ANO2: variants seen among roughly 807,000 people sequenced by gnomAD.
The protein encoded by ANO2 is anoctamin-2.
A neutral mutation model predicts 124.2 loss-of-function variants in ANO2; 101 were observed. The observed-to-expected ratio is 0.81, with a 90% CI of 0.69 to 0.96. The LOEUF (loss-of-function observed/expected upper bound fraction) is 0.96. Among genes scored for constraint, ANO2 ranks in the 40% least tolerant of loss-of-function variants. ANO2 has a pLI of 0.00. For missense variants in ANO2, 1,293 were observed against 1,274.5 expected (o/e 1.01, Z -0.22); for synonymous variants, 486 against 482.5 (o/e 1.01, Z -0.09).
chr12:5,859,087 G>A (rs1427348887), intron 3 of ANO2, among the ~76,000 whole-genome samples: 3 of 152,194 alleles, frequency 2.0e-5, no homozygotes, highest in Non-Finnish European at 4.4e-5. Flanking sequence ...AGCCGTCAGA[G>A]GATACAATCC....
At chr12:5,611,644 G>A (rs917103749) in intron 19 of ANO2, among the ~76,000 whole-genome samples, 2 of 152,164 alleles carry the variant, frequency 1.3e-5, no homozygotes, top group Non-Finnish European at 2.9e-5. Context: ...AATTCCAACT[G>A]CTGCAGCTAA....
At chr12:5,576,119 A>G in intron 22 of ANO2, 104 bp from the exon 23 acceptor site, 1 of 1,179,852 alleles carries the variant, frequency 8.5e-7, no homozygotes, top group Non-Finnish European at 1.1e-6. Flanking sequence ...CTGATACAGA[A>G]GCTCATGCAG....
intron 5 of ANO2, among the ~76,000 whole-genome samples, chr12:5,831,884 T>C (rs1337573795): frequency 1.3e-5 from 2 of 152,164 alleles, no homozygotes; most frequent in Admixed American, 6.5e-5. Context: ...CGGCTGCATC[T>C]CCCACTTCCC....
At chr12:5,694,284 A>AGAGAGAGAGAGAGAGAGAGAGAGAGAGAG (rs55758114) in intron 14 of ANO2, among the ~76,000 whole-genome samples, 2 of 150,828 alleles carry the variant, frequency 1.3e-5, no homozygotes, top group African/African-American at 4.9e-5. Flanking sequence ...AGAGAGAGAG[A>AGAGAGAGAGAGAGAGAGAGAGAGAGAGAG]ATAAAACAGA....
At chr12:5,678,305 T>C (rs535508255) in intron 14 of ANO2, among the ~76,000 whole-genome samples, 2 of 152,202 alleles carry the variant, frequency 1.3e-5, no homozygotes, top group African/African-American at 4.8e-5. Context: ...ACAGCATCAT[T>C]TACATTAGGA....
intron 14 of ANO2, among the ~76,000 whole-genome samples, chr12:5,673,185 T>C: frequency 6.6e-6 from 1 of 152,222 alleles, no homozygotes; most frequent in Non-Finnish European, 1.5e-5. Context: ...ACTGAACCCC[T>C]TGCTCAGCAA....
chr12:5,590,821 C>A (rs1943359460), intron 20 of ANO2, among the ~76,000 whole-genome samples: 1 of 152,136 alleles, frequency 6.6e-6, no homozygotes, highest in Non-Finnish European at 1.5e-5. Flanking sequence ...CATATGGGGG[C>A]CAATGGAATT....
intron 22 of ANO2, among the ~76,000 whole-genome samples, chr12:5,577,723 TG>T (rs1353153069): frequency 3.9e-5 from 6 of 152,238 alleles, no homozygotes; most frequent in African/African-American, 1.4e-4. Context: ...TGCATTCTGA[TG>T]GATAATTACC....
intron 23 of ANO2, among the ~76,000 whole-genome samples, chr12:5,570,083 A>C (rs988933782): frequency 6.6e-6 from 1 of 152,246 alleles, no homozygotes; most frequent in Non-Finnish European, 1.5e-5. Flanking sequence ...GTGATACAGA[A>C]ATCAACATTA....
intron 14 of ANO2, among the ~76,000 whole-genome samples, chr12:5,672,585 G>GTA (rs1485463875): frequency 7.2e-6 from 1 of 139,474 alleles, no homozygotes; most frequent in Non-Finnish European, 1.6e-5. Flanking sequence ...CAGCTCGTGT[G>GTA]TGTGTGTGTG....
intron 14 of ANO2, among the ~76,000 whole-genome samples, chr12:5,676,673 C>T (rs1405877590): frequency 6.6e-6 from 1 of 151,844 alleles, no homozygotes; most frequent in Non-Finnish European, 1.5e-5. Context: ...TTTAAATGCC[C>T]CTCATCCTAA....
intron 20 of ANO2, among the ~76,000 whole-genome samples, chr12:5,587,778 A>G (rs1290347812): frequency 1.3e-5 from 2 of 152,078 alleles, no homozygotes; most frequent in African/African-American, 4.8e-5. Flanking sequence ...GTCTGGAGCC[A>G]GCCCATCCCC....
chr12:5,923,165 CACACACACGCACACACACAT>C lies in ANO2; in HGVS notation c.23-381_23-362del, dbSNP rs1174512201. ...ACATGCACACATACACACACGCATA[CACACACACGCACACACACAT>C]ACACACACACGCACGCACACACACC... On this transcript the variant is annotated intron_variant, in intron 1 of 24. Coordinates refer to ENST00000682330, the MANE Select transcript of ANO2 (RefSeq NM_001364791.2). 9.6e-3 allele frequency among the ~76,000 whole-genome samples: 420 copies of C among 43,644 alleles called. 45 individuals are homozygous for C. Among genetic ancestry groups the C allele is most frequent in the South Asian group, 0.021 (22 of 1,024 alleles). 28.6% of individuals were successfully genotyped at this position (43,644 alleles called of 152,430 possible). A position where few individuals can be genotyped will look rare whatever the true frequency, so the allele number is the denominator to read the frequency against.
intron 10 of ANO2, among the ~76,000 whole-genome samples, chr12:5,797,318 C>T (rs909068684): frequency 3.9e-5 from 6 of 152,010 alleles, no homozygotes; most frequent in Non-Finnish European, 8.8e-5. Flanking sequence ...CCAAGACTCA[C>T]AGTTAGATTG....
chr12:5,610,190 AATAT>A (rs1402655629), intron 19 of ANO2, among the ~76,000 whole-genome samples: 3 of 72,974 alleles, frequency 4.1e-5, no homozygotes, highest in Admixed American at 1.3e-4. Flanking sequence ...TACTTATATA[AATAT>A]ATACTTATAT....
At chr12:5,699,411 C>G (rs561573275) in intron 14 of ANO2, among the ~76,000 whole-genome samples, 1 of 152,170 alleles carries the variant, frequency 6.6e-6, no homozygotes, top group Admixed American at 6.5e-5. Context: ...TTGTCACCAC[C>G]AGGCCTGCCT....
intron 10 of ANO2, among the ~76,000 whole-genome samples, chr12:5,759,366 C>A (rs1485470871): frequency 1.3e-5 from 2 of 151,930 alleles, no homozygotes; most frequent in Non-Finnish European, 2.9e-5. Context: ...GATTTATAAC[C>A]AATTTTTTGG....
intron 14 of ANO2, among the ~76,000 whole-genome samples, chr12:5,697,619 G>A (rs558813841): frequency 2.0e-5 from 3 of 152,310 alleles, no homozygotes; most frequent in African/African-American, 4.8e-5. Context: ...AGGACAGTGG[G>A]TGCAGCGCAC....
chr12:5,709,102 T>C (rs562060259), intron 14 of ANO2, among the ~76,000 whole-genome samples: 1 of 152,290 alleles, frequency 6.6e-6, no homozygotes, highest in Non-Finnish European at 1.5e-5. Flanking sequence ...CTGAGACCAT[T>C]TGCAAATTCC....
Sources: allele counts gnomAD v4.1 joint callset (sites outside exome capture counted in the v4.1 genomes callset), GRCh38; gene constraint gnomAD v4.1.1; transcripts MANE v1.5; gene names NCBI Gene and HGNC (gene_info 2026-07-23, HGNC 2026-07-21).